ABCB5: variants seen among roughly 807,000 people sequenced by gnomAD.
ABCB5 encodes the protein ATP-binding cassette sub-family B member 5.
Under a neutral mutation model 144.2 loss-of-function variants are expected in ABCB5, and 155 were observed. The ratio of observed to expected loss-of-function variants is 1.08; its 90% CI spans 0.94 to 1.23. The LOEUF (loss-of-function observed/expected upper bound fraction) is 1.23. Ranked by LOEUF, ABCB5 falls within the 50% of genes most tolerant of loss-of-function variation. The pLI is 0.00. For synonymous variants in ABCB5, 610 were observed against 528.6 expected (o/e 1.15, Z -2.11); for missense variants, 1,830 against 1,520.8 (o/e 1.20, Z -3.38).
At chr7:20,628,597 CA>C in intron 3 of ABCB5, 90 bp from the exon 4 acceptor site, 1 of 1,360,816 alleles carries the variant, frequency 7.3e-7, no homozygotes, top group Non-Finnish European at 1.0e-6. Context: ...TACTAGGTGG[CA>C]AAGGCTGTAG....
At chr7:20,658,327 CTTT>C (rs759670787) in intron 13 of ABCB5, among the ~76,000 whole-genome samples, 176 bp from the exon 14 acceptor site, 2 of 140,664 alleles carry the variant, frequency 1.4e-5, no homozygotes, top group Non-Finnish European at 3.1e-5. Context: ...TCTTTGGGCT[CTTT>C]TTTTTTTTTT....
chr7:20,713,428 G>C (rs1562574719), intron 20 of ABCB5, among the ~76,000 whole-genome samples: 1 of 148,956 alleles, frequency 6.7e-6, no homozygotes, highest in Non-Finnish European at 1.5e-5. Context: ...TAGAGACAGG[G>C]TCTCACTGTG....
chr7:20,692,828 AG>A (rs1786279565), intron 16 of ABCB5, among the ~76,000 whole-genome samples: 2 of 152,162 alleles, frequency 1.3e-5, no homozygotes, highest in Admixed American at 1.3e-4. Context: ...ATTTTCTTAG[AG>A]CAAACAACAT....
chr7:20,705,285 A>T (rs992921446), intron 20 of ABCB5, among the ~76,000 whole-genome samples: 1 of 152,210 alleles, frequency 6.6e-6, no homozygotes, highest in African/African-American at 2.4e-5. Context: ...GAATTGTGTA[A>T]TCATGACCAG....
chr7:20,623,451 T>TG, intron 2 of ABCB5, 113 bp downstream of exon 2: 7 of 820,072 alleles, frequency 8.5e-6, no homozygotes, highest in South Asian at 1.6e-5. Context: ...AGCAACACTA[T>TG]TTGCATTTTG....
At chr7:20,737,522 A>G (rs1782424989) in intron 23 of ABCB5, among the ~76,000 whole-genome samples, 1 of 152,182 alleles carries the variant, frequency 6.6e-6, no homozygotes, top group Admixed American at 6.5e-5. Context: ...GCTTACCATT[A>G]CTGTTATAGT....
In ABCB5 at chr7:20,689,904, T is replaced by G. The variant is rs182141605; in HGVS notation, c.2010+4068T>G. ...ATTTCAGACAGGGGCACAGCAAGCA[T>G]GAGGGCCTGGATTTGGGGGTCCCAA... On this transcript the variant is annotated intron_variant, in intron 16 of 27. Coordinates refer to ENST00000404938, the MANE Select transcript of ABCB5 (RefSeq NM_001163941.2). 8.5e-5 allele frequency among the ~76,000 whole-genome samples: 13 copies of G among 152,258 alleles called. No individual in the cohort carries two copies. In the Middle Eastern group the frequency reaches 0.01, roughly 120 times the overall value.
intron 5 of ABCB5, among the ~76,000 whole-genome samples, chr7:20,635,308 T>C (rs1032513450): frequency 6.6e-6 from 1 of 152,098 alleles, no homozygotes; most frequent in African/African-American, 2.4e-5. Context: ...TACTATAGCC[T>C]TGTAGTACAA....
In ABCB5 at chr7:20,648,083, G is replaced by A. The variant is rs751840843; in HGVS notation, c.1206+5G>A. 4 of 1,538,126 alleles carry A rather than the reference G, an allele frequency of 2.6e-6. No homozygotes were observed. The highest frequency in any genetic ancestry group is 2.7e-6 in the Non-Finnish European group (3 of 1,114,472). On this transcript the variant is annotated splice_donor_5th_base_variant and intron_variant, in intron 11 of 27. Coordinates refer to ENST00000404938, the MANE Select transcript of ABCB5 (RefSeq NM_001163941.2). ...CCATCAAGACCATCTATCAAGGTAG[G>A]TTAAAACAAATTACGCAATTGTGCA...
At chr7:20,738,930 T>C (rs1425224785) in intron 23 of ABCB5, 53 bp from the exon 24 acceptor site, 3 of 1,505,058 alleles carry the variant, frequency 2.0e-6, no homozygotes, top group Non-Finnish European at 2.7e-6. Flanking sequence ...AGAGTTCTAC[T>C]GTTTTACAAA....
chr7:20,616,046 C>A (rs539356384), intron 1 of ABCB5, among the ~76,000 whole-genome samples: 1 of 152,132 alleles, frequency 6.6e-6, no homozygotes, highest in Non-Finnish European at 1.5e-5. Context: ...TTCTTTCTTT[C>A]TTTCCCTGTG....
At chr7:20,624,972 A>G (rs1406823936) in intron 2 of ABCB5, among the ~76,000 whole-genome samples, 1 of 152,232 alleles carries the variant, frequency 6.6e-6, no homozygotes. Flanking sequence ...CAACGCTGAT[A>G]AAGAGACTTT....
chr7:20,683,806 C>T (rs188858220), intron 15 of ABCB5, among the ~76,000 whole-genome samples: 37 of 152,276 alleles, frequency 2.4e-4, no homozygotes, highest in African/African-American at 8.4e-4. Flanking sequence ...TCTGCACATT[C>T]TTATTTGCCA....
intron 16 of ABCB5, among the ~76,000 whole-genome samples, chr7:20,694,049 A>G (rs946992887): frequency 1.3e-5 from 2 of 151,448 alleles, no homozygotes; most frequent in Non-Finnish European, 2.9e-5. Context: ...AAAACAAAAA[A>G]ACTTTAAGCC....
At chr7:20,674,094 A>C (rs1049957345) in intron 14 of ABCB5, among the ~76,000 whole-genome samples, 24 of 151,934 alleles carry the variant, frequency 1.6e-4, no homozygotes, top group African/African-American at 5.3e-4. Context: ...TAGACATCTT[A>C]CTTCTACATA....
chr7:20,632,716 A>G (rs1784063648), intron 5 of ABCB5, among the ~76,000 whole-genome samples: 1 of 152,208 alleles, frequency 6.6e-6, no homozygotes, highest in African/African-American at 2.4e-5. Flanking sequence ...TTGTAGGGAC[A>G]TGGATGAAAT....
rs1784894201 is a variant in ABCB5, at chr7:20,658,645, G to T, written c.1676G>T (p.Ser559Ile). ...DEATSALDSESKSAVQAALEK... is the reference protein window; with the variant it reads ...DEATSALDSEIKSAVQAALEK... The stretch of plus-strand genomic sequence containing the variant: ...GCTACGTCTGCCCTGGATTCAGAAA[G>T]CAAGTCAGCTGTTCAAGCTGCACTG... The change falls in exon 14 of 28, where the codon AGC becomes ATC. Residue 559 changes from serine to isoleucine, a missense_variant. Ser to Ile is a moderately radical substitution (Grantham distance 142, BLOSUM62 -2). Transcript: ENST00000404938. 1 of 1,614,178 alleles carries T rather than the reference G, an allele frequency of 6.2e-7. No individual in the cohort carries two copies. The highest frequency in any genetic ancestry group is 1.3e-5 in the African/African-American group (1 of 75,046).
At position 20,753,372 on chromosome 7, in the gene ABCB5, C is replaced by T. The variant is rs1338028743; in HGVS notation, c.3442C>T (p.Gln1148Ter). ...IEGLPEKYNTQVGLKGAQLSG... is the reference protein window; with the variant it reads ...IEGLPEKYNT Reference sequence around the variant, plus strand: ...GCTCCTGTGATAGAAATACAACACACAAGTTGGACTGAAAGGAGCACAGCT... The same window carrying T: ...GCTCCTGTGATAGAAATACAACACATAAGTTGGACTGAAAGGAGCACAGCT... Residue 1148 changes from glutamine to a stop codon, truncating the protein, a stop_gained, in exon 27 of 28, where the codon CAA (glutamine) becomes TAA (stop). Transcript: ENST00000404938. LOFTEE classifies it high-confidence loss of function. 1.9e-6 allele frequency: 3 copies of T among 1,612,878 alleles called. No individual in the cohort carries two copies. The highest frequency in any genetic ancestry group is 3.3e-5 in the Admixed American group (2 of 59,878).
chr7:20,731,922 T>G (rs1782236121), intron 23 of ABCB5, among the ~76,000 whole-genome samples: 1 of 152,124 alleles, frequency 6.6e-6, no homozygotes, highest in Non-Finnish European at 1.5e-5. Context: ...TTCCCTATAA[T>G]CCATTCTCCA....
Sources: gnomAD v4.1 joint callset for allele counts (sites outside exome capture counted in the v4.1 genomes callset) on GRCh38, gnomAD v4.1.1 for gene constraint, MANE v1.5 for transcripts, NCBI Gene and HGNC (gene_info 2026-07-23, HGNC 2026-07-21) for gene names.